The following SLC14A2 variants were observed in gnomAD, a reference collection of about 807,000 sequenced individuals.
SLC14A2 encodes the protein urea transporter 2.
In SLC14A2, 91 loss-of-function variants were observed where a neutral mutation model predicts 104.6. The observed-to-expected ratio is 0.87, with a 90% confidence interval of 0.73 to 1.04. The LOEUF is 1.04. SLC14A2 is among the 50% of genes least tolerant of loss of function. The probability of loss-of-function intolerance (pLI) is 0.00; values close to 1 mark genes in which losing one functional copy is unlikely to be tolerated. For synonymous variants in SLC14A2, 476 were observed against 466.4 expected (o/e 1.02, Z -0.27); for missense variants, 1,189 against 1,156.0 (o/e 1.03, Z -0.41).
intron 1 of SLC14A2, among the ~76,000 whole-genome samples, chr18:45,278,020 G>A (rs1171199021): frequency 1.3e-5 from 2 of 152,104 alleles, no homozygotes; most frequent in African/African-American, 4.8e-5. Flanking sequence ...CTTTACCTAT[G>A]AGGTCAAACT....
At chr18:45,230,059 TAA>T (rs1370860395) in intron 1 of SLC14A2, among the ~76,000 whole-genome samples, 1 of 152,236 alleles carries the variant, frequency 6.6e-6, no homozygotes, top group Non-Finnish European at 1.5e-5. Flanking sequence ...TGACATATGG[TAA>T]ACACTATTTG....
chr18:45,498,551 A>T (rs2043138898), intron 2 of SLC14A2, among the ~76,000 whole-genome samples: 1 of 152,132 alleles, frequency 6.6e-6, no homozygotes, highest in Non-Finnish European at 1.5e-5. Context: ...CAAGAAGCTC[A>T]CACTCCCTCT....
At position 45,667,951 on chromosome 18, in the gene SLC14A2, C is replaced by T. The variant is rs2046057950; in HGVS notation, c.1836C>T (p.Pro612=). 2 of 1,614,058 alleles carry T rather than the reference C, an allele frequency of 1.2e-6. No individual in the cohort carries two copies. Among genetic ancestry groups the T allele is most frequent in the Non-Finnish European group, 1.7e-6 (2 of 1,180,022 alleles). Reference sequence around the variant, plus strand: ...TCCTCGGCCTCTTCATCCAGAACCCCTGGTGGGCGATCTCAGGCTGCCTGG... The same window carrying T: ...TCCTCGGCCTCTTCATCCAGAACCCTTGGTGGGCGATCTCAGGCTGCCTGG... ...LIILGLFIQN[P]WWAISGCLGT... The change falls in exon 14 of 20, where the codon CCC becomes CCT. Residue 612 remains proline, a synonymous_variant. Transcript: ENST00000255226.
intron 13 of SLC14A2, 72 bp from the exon 14 acceptor site, chr18:45,667,761 C>A: frequency 8.0e-7 from 1 of 1,255,170 alleles, no homozygotes; most frequent in Non-Finnish European, 1.2e-6. Flanking sequence ...GATTCCCTCA[C>A]ACCCTCCATC....
chr18:45,473,480 T>TC (rs1234302628), intron 1 of SLC14A2, among the ~76,000 whole-genome samples: 1 of 152,214 alleles, frequency 6.6e-6, no homozygotes, highest in Non-Finnish European at 1.5e-5. Flanking sequence ...TATGGCCATT[T>TC]CATAATATTG....
At chr18:45,302,015 G>T (rs1048100580) in intron 1 of SLC14A2, among the ~76,000 whole-genome samples, 1 of 152,076 alleles carries the variant, frequency 6.6e-6, no homozygotes, top group African/African-American at 2.4e-5. Context: ...TCCCTCTGTT[G>T]GGTTCCTGCA....
intron 1 of SLC14A2, among the ~76,000 whole-genome samples, chr18:45,619,484 G>C (rs971087925): frequency 2.6e-5 from 4 of 152,224 alleles, no homozygotes; most frequent in African/African-American, 9.6e-5. Context: ...GAGCTGGTCT[G>C]TTTTGGGAGC....
chr18:45,201,780 G>T, the SLC14A2 span, among the ~76,000 whole-genome samples: 73 of 152,082 alleles, frequency 4.8e-4, no homozygotes, highest in African/African-American at 1.7e-3. Flanking sequence ...TGAAAGATTT[G>T]GTACTTTTTC....
intron 2 of SLC14A2, among the ~76,000 whole-genome samples, chr18:45,516,899 G>C (rs752940055): frequency 1.3e-5 from 2 of 152,212 alleles, no homozygotes; most frequent in Non-Finnish European, 2.9e-5. Context: ...GGGCTGCTGT[G>C]AGCAGAGAAA....
chr18:45,651,995 G>A (rs1411565139), intron 10 of SLC14A2, among the ~76,000 whole-genome samples: 1 of 152,194 alleles, frequency 6.6e-6, no homozygotes, highest in Non-Finnish European at 1.5e-5. Flanking sequence ...TCTAAGATCT[G>A]CCTGTCAGGA....
chr18:45,354,296 C>T (rs538251091), intron 1 of SLC14A2, among the ~76,000 whole-genome samples: 2 of 152,298 alleles, frequency 1.3e-5, no homozygotes, highest in African/African-American at 4.8e-5. Context: ...GTGAATCAAT[C>T]AGCAGAGCTC....
At chr18:45,239,560 A>T (rs547309495) in intron 1 of SLC14A2, among the ~76,000 whole-genome samples, 1 of 152,370 alleles carries the variant, frequency 6.6e-6, no homozygotes, top group East Asian at 1.9e-4. Context: ...GCTGAAAATC[A>T]TGCCCATCAG....
At chr18:45,414,757 A>AAAAAAAAAATATATATAT (rs1360051908) in intron 1 of SLC14A2, among the ~76,000 whole-genome samples, 1 of 76,124 alleles carries the variant, frequency 1.3e-5, no homozygotes, top group African/African-American at 7.7e-5. Flanking sequence ...AAAAAAAAAA[A>AAAAAAAAAATATATATAT]ATATATATAT....
intron 1 of SLC14A2, among the ~76,000 whole-genome samples, chr18:45,374,979 A>G (rs1157819012): frequency 6.6e-6 from 1 of 152,220 alleles, no homozygotes; most frequent in Admixed American, 6.5e-5. Flanking sequence ...TTGAATAAAT[A>G]AAGCCTCAGA....
chr18:45,627,051 T>A lies in SLC14A2; in HGVS notation c.425T>A (p.Phe142Tyr). 6.2e-7 allele frequency: 1 copy of A among 1,613,766 alleles called. No individual in the cohort carries two copies. Among genetic ancestry groups the A allele is most frequent in the South Asian group, 1.1e-5 (1 of 91,056 alleles). The change falls in exon 4 of 20, where the codon TTC becomes TAC. Residue 142 changes from phenylalanine to tyrosine, a missense_variant. Physicochemically the swap from Phe to Tyr is conservative, Grantham distance 22. Coordinates refer to ENST00000255226, the MANE Select transcript of SLC14A2 (RefSeq NM_007163.4). ...INNPLSGLIIFIGLLIQNPWW... is the reference protein window; with the variant it reads ...INNPLSGLIIYIGLLIQNPWW... ...AATCCTCTCAGCGGCCTCATCATCT[T>A]CATAGGGCTGCTGATCCAGAATCCC... is the stretch of plus-strand genomic sequence containing the variant.
chr18:45,655,324 C>G (rs554723617), intron 10 of SLC14A2, among the ~76,000 whole-genome samples: 1 of 152,194 alleles, frequency 6.6e-6, no homozygotes, highest in East Asian at 1.9e-4. Flanking sequence ...CAGCACCAAA[C>G]GATATAAGCC....
chr18:45,674,666 C>T (rs1034065803), intron 18 of SLC14A2, among the ~76,000 whole-genome samples: 2 of 151,880 alleles, frequency 1.3e-5, no homozygotes, highest in African/African-American at 4.8e-5. Context: ...ATTCACCTAA[C>T]ACCCACCACA....
chr18:45,604,716 C>T (rs1054414345), intron 2 of SLC14A2, among the ~76,000 whole-genome samples: 21 of 152,168 alleles, frequency 1.4e-4, no homozygotes, highest in African/African-American at 5.1e-4. Context: ...CATATGTGTA[C>T]ATACATCAGC....
chr18:45,674,411 G>A (rs1372396400), intron 18 of SLC14A2, among the ~76,000 whole-genome samples: 4 of 151,838 alleles, frequency 2.6e-5, no homozygotes, highest in East Asian at 3.9e-4. Flanking sequence ...ATTCTTGCTC[G>A]GGAAGATGTT....
Sources: gnomAD v4.1 joint callset for allele counts (sites outside exome capture counted in the v4.1 genomes callset) on GRCh38, gnomAD v4.1.1 for gene constraint, MANE v1.5 for transcripts, NCBI Gene and HGNC (gene_info 2026-07-23, HGNC 2026-07-21) for gene names.